SLC7A5: variants seen among roughly 807,000 people sequenced by gnomAD.
SLC7A5 encodes solute carrier family 7 member 5.
A neutral mutation model predicts 50.2 loss-of-function variants in SLC7A5; 23 were observed. That is an observed-to-expected ratio of 0.46 (90% CI 0.33 to 0.65). SLC7A5 has a LOEUF of 0.65. SLC7A5 is among the 30% of genes least tolerant of loss of function. The probability of loss-of-function intolerance (pLI) is 0.02; values close to 1 mark genes in which losing one functional copy is unlikely to be tolerated. For missense variants in SLC7A5, 578 were observed against 684.4 expected (o/e 0.84, Z 1.73); for synonymous variants, 393 against 330.6 (o/e 1.19, Z -2.05).
Position 87,836,437 on chromosome 16 carries a change from A to G in SLC7A5, c.1290+61T>C. ...TGCTGGCTCCCAACTCAGGGTCCTT[A>G]GGACCCACGGACCCTGCCTCTGTGA... On this transcript the variant is annotated intron_variant, in intron 8 of 9. Coordinates refer to ENST00000261622, the MANE Select transcript of SLC7A5 (RefSeq NM_003486.7). The G allele has an allele frequency of 7.0e-6, 11 of 1,577,518 alleles. No individual in the cohort carries two copies. In the South Asian group the frequency reaches 1.2e-4, roughly 17 times the overall value.
intron 2 of SLC7A5, 118 bp downstream of exon 2, chr16:87,851,606 G>A: frequency 7.8e-7 from 1 of 1,273,970 alleles, no homozygotes; most frequent in Non-Finnish European, 1.1e-6. Context: ...TCTCCACGTT[G>A]TACAGCACTG....
At position 87,862,462 on chromosome 16, in the gene SLC7A5, C is replaced by T. The variant is rs1346722538; in HGVS notation, c.538+6423G>A. The stretch of plus-strand genomic sequence containing the variant: ...ATTCCTACTTCCACCCATAGCCCCC[C>T]GACCCTGGGCCTGTGCCGAGCGTGG... On this transcript the variant is annotated intron_variant, in intron 1 of 9. Transcript: ENST00000261622. This position sits in a 1 kb window ranked among gnomAD's most constrained non-coding sequence, Gnocchi z 5.3. Among the ~76,000 whole-genome samples the T allele has an allele frequency of 2.6e-5, 4 of 152,238 alleles. No individual in the cohort carries two copies. The highest frequency in any genetic ancestry group is 4.4e-5 in the Non-Finnish European group (3 of 68,042).
In SLC7A5 at chr16:87,860,631, G is replaced by C. The variant is rs113602305; in HGVS notation, c.538+8254C>G. Among the ~76,000 whole-genome samples, 3 of 152,100 alleles carry C rather than the reference G, an allele frequency of 2.0e-5. No individual in the cohort carries two copies. The highest frequency in any genetic ancestry group is 6.6e-5 in the Admixed American group (1 of 15,264). On this transcript the variant is annotated intron_variant, in intron 1 of 9. Transcript: ENST00000261622. This position sits in a 1 kb window ranked among gnomAD's most constrained non-coding sequence, Gnocchi z 4.8. ...GGCCTTGGTCCTCACATTTGACTCC[G>C]GATAAATCTCTTCAAACATTTTACA...
rs1426464876 is a variant in SLC7A5 at position 87,840,369 on chromosome 16, T to A, written c.815+60A>T. On this transcript the variant is annotated intron_variant, in intron 4 of 9. Transcript: ENST00000261622. ...CAACAGGCTTCGAGTGGAATGTGGC[T>A]GCTTCCTGCCTCACATTAAAATAAT... The A allele has an allele frequency of 2.1e-6, 3 of 1,433,846 alleles. No individual in the cohort carries two copies. In the African/African-American group the frequency reaches 4.2e-5, roughly 20 times the overall value. 88.8% of individuals were successfully genotyped at this position (1,433,846 alleles called of 1,614,324 possible). A position where few individuals can be genotyped will look rare whatever the true frequency, so the allele number is the denominator to read the frequency against.
chr16:87,836,215 C>T (rs2055001237), intron 8 of SLC7A5, among the ~76,000 whole-genome samples: 1 of 152,236 alleles, frequency 6.6e-6, no homozygotes, highest in African/African-American at 2.4e-5. Flanking sequence ...CTCACCACCG[C>T]CCACCTATGA....
At chr16:87,844,084 G>A (rs922788384) in intron 2 of SLC7A5, among the ~76,000 whole-genome samples, 1 of 152,176 alleles carries the variant, frequency 6.6e-6, no homozygotes, top group Admixed American at 6.5e-5. Flanking sequence ...ACAGGGAAGT[G>A]AGGAAGAGAA....
intron 2 of SLC7A5, among the ~76,000 whole-genome samples, chr16:87,848,831 G>T (rs988293437): frequency 1.3e-5 from 2 of 152,270 alleles, no homozygotes; most frequent in African/African-American, 2.4e-5. Flanking sequence ...ACCCGGCATA[G>T]ATGCGGCACA....
At position 87,857,294 on chromosome 16, in the gene SLC7A5, C is replaced by A. The variant is rs2055334134; in HGVS notation, c.539-5445G>T. On this transcript the variant is annotated intron_variant, in intron 1 of 9. Transcript: ENST00000261622. The stretch of plus-strand genomic sequence containing the variant: ...CTGGAGTGCAGTGGTACGATCTTGG[C>A]TCACTGCAACCTCCGCCTCCTGAGT... Among the ~76,000 whole-genome samples the A allele has an allele frequency of 2.0e-5, 3 of 151,942 alleles. No homozygotes were observed. The South Asian group carries it at 6.2e-4, about 31-fold the overall frequency.
intron 2 of SLC7A5, 69 bp downstream of exon 2, chr16:87,851,655 C>T: frequency 6.3e-7 from 1 of 1,579,778 alleles, no homozygotes; most frequent in Admixed American, 1.7e-5. Context: ...GACGGGACCT[C>T]ATGCCCTGTG....
At position 87,836,833 on chromosome 16, in the gene SLC7A5, A is replaced by G. The variant is rs1281376038; in HGVS notation, c.1141-186T>C. 7.1e-6 allele frequency: 3 copies of G among 425,364 alleles called. No individual in the cohort carries two copies. The East Asian group carries it at 1.8e-4, about 26-fold the overall frequency. 26.3% of individuals were successfully genotyped at this position (425,364 alleles called of 1,614,324 possible). A position where few individuals can be genotyped will look rare whatever the true frequency, so the allele number is the denominator to read the frequency against. On this transcript the variant is annotated intron_variant, in intron 7 of 9. Transcript: ENST00000261622. ...GAAGGAGGAAAGGAGGGAAGGAGGG[A>G]GGAGAGGAGGAGGGAAGAGGCGGGG...
rs2055370495 is a variant in SLC7A5, at chr16:87,860,037, A to G, written c.539-8188T>C. ...TAATAACTCTTTCAACCAATTGTGA[A>G]TCAGAAAATCTTTTGCCAGGCACGG... On this transcript the variant is annotated intron_variant, in intron 1 of 9. Coordinates refer to ENST00000261622, the MANE Select transcript of SLC7A5 (RefSeq NM_003486.7). The surrounding 1 kb of genome is among the most constrained non-coding windows in gnomAD (Gnocchi z 4.8). 6.6e-6 allele frequency among the ~76,000 whole-genome samples: 1 copy of G among 151,962 alleles called. No individual in the cohort carries two copies. The highest frequency in any genetic ancestry group is 1.5e-5 in the Non-Finnish European group (1 of 67,994).
intron 7 of SLC7A5, among the ~76,000 whole-genome samples, chr16:87,837,236 G>A (rs2055018698): frequency 6.6e-6 from 1 of 152,196 alleles, no homozygotes; most frequent in Admixed American, 6.5e-5. Context: ...GCAGCCTGTT[G>A]GGGGAGCCCA....
At chr16:87,855,415 A>G (rs577617973) in intron 1 of SLC7A5, among the ~76,000 whole-genome samples, 171 of 152,204 alleles carry the variant, frequency 1.1e-3, no homozygotes, top group African/African-American at 3.8e-3. Context: ...GGACAGGTGC[A>G]TACCGCTGGC....
At chr16:87,867,140 G>A (rs188610375) in intron 1 of SLC7A5, among the ~76,000 whole-genome samples, 156 of 152,244 alleles carry the variant, frequency 1.0e-3, no homozygotes, top group African/African-American at 3.6e-3. Flanking sequence ...GGCTGGTCTC[G>A]AACTCCTGAC....
At position 87,832,985 on chromosome 16, in the gene SLC7A5, G is replaced by C; in HGVS notation, c.1509C>G (p.Val503=). ...TVLCQKLMQV[V]PQET ...GGCCTCCTGGCTATGTCTCCTGGGGGACCACCTGCATGAGCTTCTGACACA... is the reference window on the plus strand; with the variant it reads ...GGCCTCCTGGCTATGTCTCCTGGGGCACCACCTGCATGAGCTTCTGACACA... The change falls in exon 10 of 10, where the codon GTC becomes GTG. Residue 503 remains valine, a synonymous_variant. Coordinates refer to ENST00000261622, the MANE Select transcript of SLC7A5 (RefSeq NM_003486.7). This position sits in a 1 kb window ranked among gnomAD's most constrained non-coding sequence, Gnocchi z 4.6. 1 of 1,613,840 alleles carries C rather than the reference G, an allele frequency of 6.2e-7. No individual in the cohort carries two copies. The highest frequency in any genetic ancestry group is 8.5e-7 in the Non-Finnish European group (1 of 1,179,844).
At position 87,851,807 on chromosome 16, in the gene SLC7A5, G is replaced by T. The variant is rs1388856968; in HGVS notation, c.581C>A (p.Thr194Asn). The change falls in exon 2 of 10, where the codon ACC becomes AAC. Residue 194 changes from threonine to asparagine, a missense_variant. Physicochemically the swap from Thr to Asn is moderately conservative, Grantham distance 65. Coordinates refer to ENST00000261622, the MANE Select transcript of SLC7A5 (RefSeq NM_003486.7). Reference sequence around the variant, plus strand: ...GGCGGCAAAGGCATCCTGGACCCGGGTGGCGGCCTTCACGCTGTAGCAGTT... The same window carrying T: ...GGCGGCAAAGGCATCCTGGACCCGGTTGGCGGCCTTCACGCTGTAGCAGTT... ...AVNCYSVKAA[T>N]RVQDAFAAAK... The T allele has an allele frequency of 6.2e-7, 1 of 1,612,988 alleles. No homozygotes were observed. Among genetic ancestry groups the T allele is most frequent in the Non-Finnish European group, 8.5e-7 (1 of 1,179,954 alleles).
At chr16:87,854,231 G>C (rs1041303687) in intron 1 of SLC7A5, among the ~76,000 whole-genome samples, 1 of 152,106 alleles carries the variant, frequency 6.6e-6, no homozygotes, top group African/African-American at 2.4e-5. Context: ...GGCGGGGGCC[G>C]GGTCTTGAAG....
Position 87,869,408 on chromosome 16 carries a change from G to A in SLC7A5, c.15C>T (p.Gly5=), listed in dbSNP as rs775032050. The A allele has an allele frequency of 1.1e-4, 165 of 1,491,464 alleles. No homozygotes were observed. In the Middle Eastern group the frequency reaches 1.9e-3, roughly 17 times the overall value. The allele number at this position is 1,491,464 out of a possible 1,614,324, so 92.4% of individuals were successfully genotyped here. MAGA[G]PKRRALAAPA... is the part of the protein sequence containing the mutation. ...GCGCCGCTAGCGCGCGCCGCTTCGG[G>A]CCCGCACCCGCCATGCTCTGCGCAC... Residue 5 remains glycine (G), a synonymous_variant, in exon 1 of 10, where the codon GGC becomes GGT. Coordinates refer to ENST00000261622, the MANE Select transcript of SLC7A5 (RefSeq NM_003486.7).
chr16:87,860,339 A>AAC lies in SLC7A5; in HGVS notation c.539-8491_539-8490insGT, dbSNP rs1555516232. On this transcript the variant is annotated intron_variant, in intron 1 of 9. Coordinates refer to ENST00000261622, the MANE Select transcript of SLC7A5 (RefSeq NM_003486.7). The surrounding 1 kb of genome is among the most constrained non-coding windows in gnomAD (Gnocchi z 4.8). ...CAAAAGCATCTCAAAAAAAAAAAAA[A>AAC]ATACACACACACACACACACACACA... is the stretch of plus-strand genomic sequence containing the variant. Among the ~76,000 whole-genome samples the AAC allele has an allele frequency of 1.8e-5, 2 of 108,214 alleles. No individual in the cohort carries two copies. Among genetic ancestry groups the AAC allele is most frequent in the Non-Finnish European group, 3.6e-5 (2 of 55,118 alleles). 71.0% of individuals were successfully genotyped at this position (108,214 alleles called of 152,430 possible).
Sources: allele counts gnomAD v4.1 joint callset (sites outside exome capture counted in the v4.1 genomes callset), GRCh38; gene constraint gnomAD v4.1.1; non-coding constraint Gnocchi (gnomAD v3.1); transcripts MANE v1.5; gene names NCBI Gene and HGNC (gene_info 2026-07-23, HGNC 2026-07-21).